GPC5: variants seen among roughly 807,000 people sequenced by gnomAD.
GPC5 encodes the protein glypican 5, also known as glypican-5.
In GPC5, 47 loss-of-function variants were observed where a neutral mutation model predicts 53.9. The observed-to-expected ratio is 0.87, with a 90% confidence interval of 0.69 to 1.11. The LOEUF (loss-of-function observed/expected upper bound fraction) is 1.11, where lower values mean the gene tolerates loss of function less well. GPC5 is among the 50% of genes most tolerant of loss of function. The pLI is 0.00. For missense variants in GPC5, 748 were observed against 713.1 expected, an observed-to-expected ratio of 1.05 and a Z score of -0.56; for synonymous variants, 286 against 263.3, an observed-to-expected ratio of 1.09 and a Z score of -0.84.
At chr13:92,734,281 C>T (rs1402837215) in intron 7 of GPC5, among the ~76,000 whole-genome samples, 3 of 151,782 alleles carry the variant, frequency 2.0e-5, no homozygotes, top group Admixed American at 1.3e-4. Flanking sequence ...CCTGCGTTAG[C>T]CCTGGGGATA....
chr13:91,428,637 A>G (rs972665835), intron 1 of GPC5, among the ~76,000 whole-genome samples: 4 of 152,064 alleles, frequency 2.6e-5, no homozygotes, highest in Non-Finnish European at 1.5e-5. Context: ...CTACCTAGGA[A>G]TTTGTCTGCC....
At position 91,592,402 on chromosome 13, in the gene GPC5, C is replaced by T. The variant is rs182685142; in HGVS notation, c.326-100785C>T. On this transcript the variant is annotated intron_variant, in intron 2 of 7. Coordinates refer to ENST00000377067, the MANE Select transcript of GPC5 (RefSeq NM_004466.6). ...GAGCCTTGTCAGAGCCCCCTGCAAC[C>T]ACTGGCACTGTGCCTGCATTTCTTT... is the stretch of plus-strand genomic sequence containing the variant. Among the ~76,000 whole-genome samples, 131 of 152,276 alleles carry T rather than the reference C, an allele frequency of 8.6e-4. 2 individuals carry two copies. The highest frequency in any genetic ancestry group is 7.5e-4 in the Non-Finnish European group (51 of 68,016).
At chr13:91,698,313 A>G (rs2035925218) in intron 3 of GPC5, among the ~76,000 whole-genome samples, 1 of 152,154 alleles carries the variant, frequency 6.6e-6, no homozygotes, top group Non-Finnish European at 1.5e-5. Flanking sequence ...TATCAATAAA[A>G]CCTATCAAAA....
intron 7 of GPC5, among the ~76,000 whole-genome samples, chr13:92,667,230 T>C (rs777531471): frequency 3.7e-4 from 57 of 152,074 alleles, no homozygotes; most frequent in Non-Finnish European, 6.5e-4. Context: ...ACTATGTCCA[T>C]AAAAATGCCA....
At chr13:92,099,320 T>C (rs1211021987) in intron 6 of GPC5, among the ~76,000 whole-genome samples, 2 of 152,214 alleles carry the variant, frequency 1.3e-5, no homozygotes, top group Non-Finnish European at 2.9e-5. Context: ...TGGCTCCTGC[T>C]ACCCACTCCA....
chr13:91,695,560 A>G (rs2139826202), intron 3 of GPC5, among the ~76,000 whole-genome samples: 1 of 152,082 alleles, frequency 6.6e-6, no homozygotes, highest in South Asian at 2.1e-4. Context: ...TTTTTTTAGT[A>G]GAGAGGTGGT....
intron 5 of GPC5, among the ~76,000 whole-genome samples, chr13:91,882,181 T>C (rs2138951461): frequency 6.6e-6 from 1 of 152,274 alleles, no homozygotes; most frequent in East Asian, 1.9e-4. Flanking sequence ...TAATTTCTAA[T>C]GTAATTGAAT....
chr13:92,745,582 C>A (rs1445836990), intron 7 of GPC5, among the ~76,000 whole-genome samples: 2 of 152,050 alleles, frequency 1.3e-5, no homozygotes, highest in African/African-American at 4.8e-5. Context: ...CAAGCTGAGT[C>A]CTCTGGTCAT....
At chr13:91,625,529 G>C (rs1298539730) in intron 2 of GPC5, among the ~76,000 whole-genome samples, 1 of 151,966 alleles carries the variant, frequency 6.6e-6, no homozygotes, top group African/African-American at 2.4e-5. Context: ...AGTAGAGAGA[G>C]TGGAAGAAGG....
chr13:91,962,591 C>T (rs1340368497), intron 6 of GPC5, among the ~76,000 whole-genome samples: 1 of 152,070 alleles, frequency 6.6e-6, no homozygotes. Context: ...TATATTCTCA[C>T]CCATACCTTC....
chr13:92,583,263 A>G (rs911128062), intron 7 of GPC5, among the ~76,000 whole-genome samples: 1 of 152,142 alleles, frequency 6.6e-6, no homozygotes, highest in African/African-American at 2.4e-5. Flanking sequence ...TTTGTCCTTC[A>G]TTCTGTTAAT....
chr13:92,360,792 A>G (rs2043559651), intron 7 of GPC5, among the ~76,000 whole-genome samples: 1 of 151,862 alleles, frequency 6.6e-6, no homozygotes, highest in South Asian at 2.1e-4. Flanking sequence ...TCAGGATACA[A>G]AATCATTTTA....
At chr13:92,481,058 C>T in intron 7 of GPC5, among the ~76,000 whole-genome samples, 1 of 152,062 alleles carries the variant, frequency 6.6e-6, no homozygotes, top group Non-Finnish European at 1.5e-5. Flanking sequence ...CTACTTCAGG[C>T]TTCTGACCTC....
intron 6 of GPC5, among the ~76,000 whole-genome samples, chr13:91,923,256 T>C (rs1566344376): frequency 6.6e-6 from 1 of 152,212 alleles, no homozygotes; most frequent in Non-Finnish European, 1.5e-5. Flanking sequence ...GCGGACTCAA[T>C]AAATGTACTC....
chr13:92,197,010 A>C (rs1483393527), intron 7 of GPC5, among the ~76,000 whole-genome samples: 2 of 152,236 alleles, frequency 1.3e-5, no homozygotes, highest in African/African-American at 4.8e-5. Flanking sequence ...TGAATCGTGC[A>C]ACAAAAGCGA....
intron 2 of GPC5, among the ~76,000 whole-genome samples, chr13:91,566,812 G>A (rs2031552280): frequency 6.6e-6 from 1 of 151,774 alleles, no homozygotes; most frequent in African/African-American, 2.4e-5. Context: ...TTTTCAAAAG[G>A]GATTTAAGAG....
intron 2 of GPC5, among the ~76,000 whole-genome samples, chr13:91,490,155 G>A (rs771306549): frequency 6.6e-6 from 1 of 152,124 alleles, no homozygotes; most frequent in Non-Finnish European, 1.5e-5. Context: ...ATGAATAATT[G>A]GAGAGGGGAT....
At chr13:91,685,157 C>T (rs1304970746) in intron 2 of GPC5, among the ~76,000 whole-genome samples, 1 of 151,964 alleles carries the variant, frequency 6.6e-6, no homozygotes, top group Non-Finnish European at 1.5e-5. Flanking sequence ...CAAAAATTAG[C>T]TGGGCATGGT....
chr13:91,693,501 C>T lies in GPC5; in HGVS notation c.640C>T (p.Gln214Ter). ...TAATATTCCCCAAAGAGTAATGGGA[C>T]AGATGGGGAGGTCCCTGCTGCCCAG... is the stretch of plus-strand genomic sequence containing the variant. ...FGNIPQRVMG[Q>*]MGRSLLPSRT... is the part of the protein sequence containing the mutation. Residue 214 changes from glutamine to a stop codon, truncating the protein, a stop_gained, in exon 3 of 8, where the codon CAG becomes TAG. Coordinates refer to ENST00000377067, the MANE Select transcript of GPC5 (RefSeq NM_004466.6). LOFTEE classifies it high-confidence loss of function. 1 of 1,614,068 alleles carries T rather than the reference C, an allele frequency of 6.2e-7. No individual in the cohort carries two copies. The highest frequency in any genetic ancestry group is 8.5e-7 in the Non-Finnish European group (1 of 1,180,000).
Sources: gnomAD v4.1 joint callset for allele counts (sites outside exome capture counted in the v4.1 genomes callset) on GRCh38, gnomAD v4.1.1 for gene constraint, MANE v1.5 for transcripts, NCBI Gene and HGNC (gene_info 2026-07-23, HGNC 2026-07-21) for gene names.